The following CTNND2 variants were observed in gnomAD, a reference collection of about 807,000 sequenced individuals.
CTNND2 encodes catenin delta-2.
Under a neutral mutation model 144.4 loss-of-function variants are expected in CTNND2, and 22 were observed. The ratio of observed to expected loss-of-function variants is 0.15; its 90% CI spans 0.11 to 0.22. CTNND2 has a LOEUF of 0.22. Ranked by LOEUF, CTNND2 falls within the 10% of genes least tolerant of loss-of-function variation. The pLI, the probability that CTNND2 is intolerant of heterozygous loss-of-function variation, is 1.00. For missense variants in CTNND2, 1,353 were observed against 1,618.8 expected, an observed-to-expected ratio of 0.84 and a Z score of 2.82; for synonymous variants, 751 against 695.6, an observed-to-expected ratio of 1.08 and a Z score of -1.25.
At chr5:11,558,381 T>TGTGTGA (rs780585746) in intron 3 of CTNND2, among the ~76,000 whole-genome samples, 565 of 39,406 alleles carry the variant, frequency 0.014, 2 homozygotes, top group South Asian at 0.053. Flanking sequence ...TGTGTGTGTG[T>TGTGTGA]GACACACAAG....
At chr5:11,644,392 G>A (rs1221274024) in intron 2 of CTNND2, among the ~76,000 whole-genome samples, 8 of 152,066 alleles carry the variant, frequency 5.3e-5, no homozygotes, top group African/African-American at 1.9e-4. Context: ...CCAAGCGGCT[G>A]TGCCGGGTGC....
intron 2 of CTNND2, among the ~76,000 whole-genome samples, chr5:11,632,013 G>A (rs191214314): frequency 9.8e-5 from 15 of 152,316 alleles, no homozygotes; most frequent in East Asian, 5.8e-4. Flanking sequence ...AAAATAGAGC[G>A]TACAGAACTG....
intron 9 of CTNND2, among the ~76,000 whole-genome samples, chr5:11,277,618 A>G (rs1276971828): frequency 6.6e-6 from 1 of 151,568 alleles, no homozygotes; most frequent in Non-Finnish European, 1.5e-5. Flanking sequence ...TGCAGCCTCA[A>G]CCTCCGAGGT....
At chr5:11,450,033 T>C (rs1026896542) in intron 3 of CTNND2, among the ~76,000 whole-genome samples, 1 of 152,232 alleles carries the variant, frequency 6.6e-6, no homozygotes, top group African/African-American at 2.4e-5. Context: ...ATAAACTGAG[T>C]GCAAGAAAAG....
intron 2 of CTNND2, among the ~76,000 whole-genome samples, chr5:11,643,723 T>C (rs1374195370): frequency 6.6e-6 from 1 of 152,160 alleles, no homozygotes; most frequent in Non-Finnish European, 1.5e-5. Flanking sequence ...TTACTTATTA[T>C]TGTGAGAGAC....
chr5:11,881,313 C>T (rs767622304), intron 1 of CTNND2, among the ~76,000 whole-genome samples: 1 of 151,864 alleles, frequency 6.6e-6, no homozygotes, highest in Non-Finnish European at 1.5e-5. Flanking sequence ...ATTCAAAATC[C>T]TCTCATCTAG....
chr5:11,194,695 C>T (rs1247000263), intron 11 of CTNND2, among the ~76,000 whole-genome samples: 1 of 151,814 alleles, frequency 6.6e-6, no homozygotes, highest in African/African-American at 2.4e-5. Context: ...AAAAGCCCAC[C>T]ATAAAAAAAG....
chr5:11,535,518 G>C (rs929307966), intron 3 of CTNND2, among the ~76,000 whole-genome samples: 3 of 152,042 alleles, frequency 2.0e-5, no homozygotes, highest in Admixed American at 6.6e-5. Flanking sequence ...ATTATAACAA[G>C]AACTTTTTTT....
chr5:11,428,317 T>C (rs546669105), intron 3 of CTNND2, among the ~76,000 whole-genome samples: 1 of 152,200 alleles, frequency 6.6e-6, no homozygotes, highest in African/African-American at 2.4e-5. Context: ...AGTGGTTTTT[T>C]AATAAATTTC....
At chr5:11,154,171 C>A (rs539456991) in intron 12 of CTNND2, among the ~76,000 whole-genome samples, 84 of 152,296 alleles carry the variant, frequency 5.5e-4, no homozygotes, top group Non-Finnish European at 1.0e-3. Flanking sequence ...ACATCCCCTG[C>A]GTAAGAACCT....
intron 11 of CTNND2, among the ~76,000 whole-genome samples, chr5:11,185,673 G>A (rs369924298): frequency 2.0e-5 from 3 of 152,254 alleles, no homozygotes; most frequent in South Asian, 2.1e-4. Flanking sequence ...TCCTCCTCTA[G>A]GCTGAGTTTC....
chr5:11,897,978 G>A (rs1737530887), intron 1 of CTNND2, among the ~76,000 whole-genome samples: 1 of 152,186 alleles, frequency 6.6e-6, no homozygotes, highest in Non-Finnish European at 1.5e-5. Flanking sequence ...GAAGCAGCTT[G>A]CCTTGCTGCT....
At chr5:11,396,402 C>G (rs1760139667) in intron 6 of CTNND2, among the ~76,000 whole-genome samples, 1 of 152,004 alleles carries the variant, frequency 6.6e-6, no homozygotes, top group Admixed American at 6.5e-5. Context: ...AGATTGGTAG[C>G]TGCTTCTTTT....
intron 6 of CTNND2, among the ~76,000 whole-genome samples, chr5:11,387,368 G>C (rs893542333): frequency 1.4e-4 from 21 of 152,248 alleles, no homozygotes; most frequent in African/African-American, 5.1e-4. Context: ...TTATGGTGCT[G>C]GTCAAAGTTT....
At chr5:11,380,819 T>C (rs567958047) in intron 7 of CTNND2, among the ~76,000 whole-genome samples, 5 of 152,218 alleles carry the variant, frequency 3.3e-5, no homozygotes, top group Non-Finnish European at 7.3e-5. Flanking sequence ...AACCCTCAGA[T>C]AGAACTTCTA....
chr5:11,583,131 T>C (rs879485535), intron 2 of CTNND2, among the ~76,000 whole-genome samples: 1 of 152,226 alleles, frequency 6.6e-6, no homozygotes, highest in African/African-American at 2.4e-5. Flanking sequence ...CTCCTTAGGA[T>C]GGGCGTAGCC....
chr5:11,834,055 T>C (rs899355981), intron 1 of CTNND2, among the ~76,000 whole-genome samples: 1 of 152,098 alleles, frequency 6.6e-6, no homozygotes, highest in East Asian at 1.9e-4. Context: ...AGGTGAGACC[T>C]AGGGGAGGGA....
chr5:11,653,074 TG>T (rs1289525262), intron 2 of CTNND2, among the ~76,000 whole-genome samples: 1 of 13,268 alleles, frequency 7.5e-5, no homozygotes, highest in African/African-American at 1.8e-4. Context: ...AAAATTCGTG[TG>T]TGTGTGTGTG....
intron 16 of CTNND2, among the ~76,000 whole-genome samples, chr5:11,040,833 T>C (rs558565937): frequency 1.3e-5 from 2 of 152,388 alleles, no homozygotes; most frequent in South Asian, 2.1e-4. Context: ...TCTCAATTCA[T>C]TGACTAATTT....
Sources: allele counts gnomAD v4.1 joint callset (sites outside exome capture counted in the v4.1 genomes callset), GRCh38; gene constraint gnomAD v4.1.1; transcripts MANE v1.5; gene names NCBI Gene and HGNC (gene_info 2026-07-23, HGNC 2026-07-21).